Variants in ANO1 observed in about 807,000 individuals in gnomAD.
The protein encoded by ANO1 is anoctamin-1.
In ANO1, 59 loss-of-function variants were observed where a neutral mutation model predicts 124.0. The ratio of observed to expected loss-of-function variants is 0.48; its 90% CI spans 0.39 to 0.59. ANO1 has a LOEUF of 0.59. Among genes scored for constraint, ANO1 ranks in the 20% least tolerant of loss-of-function variants. ANO1 has a pLI of 0.00. For missense variants in ANO1, 1,059 were observed against 1,328.0 expected (o/e 0.80, Z 3.15); for synonymous variants, 529 against 532.0 (o/e 0.99, Z 0.08).
At chr11:70,121,076 C>T (rs2046243289) in intron 8 of ANO1, among the ~76,000 whole-genome samples, 1 of 152,152 alleles carries the variant, frequency 6.6e-6, no homozygotes, top group African/African-American at 2.4e-5. Context: ...AGGCCCCCTC[C>T]ACACGTCTGT....
At chr11:70,028,989 C>A (rs1446061691) in intron 1 of ANO1, among the ~76,000 whole-genome samples, 2 of 152,168 alleles carry the variant, frequency 1.3e-5, no homozygotes, top group Admixed American at 1.3e-4. Context: ...ACCATGTTGG[C>A]CAGGCTGCTC....
upstream of ANO1, among the ~76,000 whole-genome samples, chr11:70,074,730 G>T (rs2044035972): frequency 6.6e-6 from 1 of 152,178 alleles, no homozygotes; most frequent in African/African-American, 2.4e-5. Context: ...TTGTCACACT[G>T]GGGCTGGAGG....
chr11:69,986,859 A>G (rs1856053081), intron 1 of ANO1, among the ~76,000 whole-genome samples: 1 of 152,114 alleles, frequency 6.6e-6, no homozygotes, highest in Non-Finnish European at 1.5e-5. Flanking sequence ...TAAGAGTGGG[A>G]TAGTGACAAG....
intron 1 of ANO1, among the ~76,000 whole-genome samples, chr11:69,986,564 G>T (rs1400162087): frequency 6.6e-6 from 1 of 152,154 alleles, no homozygotes. Flanking sequence ...TTTTACAGGC[G>T]CTATTAATAC....
intron 12 of ANO1, among the ~76,000 whole-genome samples, chr11:70,151,139 G>C (rs1347118274): frequency 2.0e-5 from 3 of 152,234 alleles, no homozygotes; most frequent in African/African-American, 7.2e-5. Flanking sequence ...GTCCTCACTT[G>C]ATGGCATTTG....
At chr11:70,073,370 G>A (rs117600157), upstream of ANO1, among the ~76,000 whole-genome samples, 2,253 of 152,260 alleles carry the variant, frequency 0.015, 30 homozygotes, top group Middle Eastern at 0.037. Context: ...AGGAGGGTGC[G>A]TCCGTCCGTG....
chr11:70,108,039 C>A, intron 5 of ANO1: 1 of 351,306 alleles, frequency 2.8e-6, no homozygotes, highest in Admixed American at 3.9e-5. Flanking sequence ...CACAGGACAC[C>A]AGCACTAGGC....
intron 1 of ANO1, among the ~76,000 whole-genome samples, chr11:70,043,487 C>T (rs1857212026): frequency 6.6e-6 from 1 of 152,108 alleles, no homozygotes. Flanking sequence ...AAGCTTAATA[C>T]ATTTCAATCA....
upstream of ANO1, among the ~76,000 whole-genome samples, chr11:70,074,232 T>A (rs1555009738): frequency 6.6e-6 from 1 of 151,940 alleles, no homozygotes; most frequent in Non-Finnish European, 1.5e-5. Context: ...CTCCTTTCCC[T>A]CCCCTGGGCT....
chr11:70,088,935 A>T (rs1447854478), intron 2 of ANO1, among the ~76,000 whole-genome samples: 2 of 152,188 alleles, frequency 1.3e-5, no homozygotes, highest in Non-Finnish European at 2.9e-5. Flanking sequence ...TAGAAGAAAG[A>T]TTTCAAAAGA....
intron 11 of ANO1, among the ~76,000 whole-genome samples, chr11:70,139,970 C>T (rs190797895): frequency 6.6e-6 from 1 of 152,302 alleles, no homozygotes; most frequent in African/African-American, 2.4e-5. Context: ...GTAGTTTCCC[C>T]GTCTGACTCC....
intron 1 of ANO1, among the ~76,000 whole-genome samples, chr11:70,032,272 C>T (rs112524396): frequency 8.3e-4 from 126 of 152,240 alleles, no homozygotes; most frequent in Middle Eastern, 3.4e-3. Context: ...TCATTGTGGA[C>T]GGACTGCAGG....
At chr11:69,995,440 C>T (rs1203003286) in intron 1 of ANO1, among the ~76,000 whole-genome samples, 1 of 152,056 alleles carries the variant, frequency 6.6e-6, no homozygotes, top group Non-Finnish European at 1.5e-5. Flanking sequence ...TGCAGATGTC[C>T]TTGGCTTTTA....
intron 1 of ANO1, among the ~76,000 whole-genome samples, chr11:70,054,747 T>C (rs1217265393): frequency 1.3e-5 from 2 of 152,280 alleles, no homozygotes; most frequent in Non-Finnish European, 2.9e-5. Context: ...ATTTGATTTC[T>C]AAATTGTTGG....
rs764219083 is a variant in ANO1 at position 70,126,118 on chromosome 11, G to A, written c.1020G>A (p.Gln340=). The change falls in exon 10 of 26, where the codon CAG becomes CAA. Residue 340 remains glutamine (Q), a synonymous_variant. Coordinates refer to ENST00000355303, the MANE Select transcript of ANO1 (RefSeq NM_018043.7). ...TCGCCTGGCTGGGCGTGTACACCCAGATGCTCATCCCTGCCTCCATCGTGG... is the reference window on the plus strand; with the variant it reads ...TCGCCTGGCTGGGCGTGTACACCCAAATGCTCATCCCTGCCTCCATCGTGG... ...LYFAWLGVYT[Q]MLIPASIVGI... 1 of 1,613,632 alleles carries A rather than the reference G, an allele frequency of 6.2e-7. No individual in the cohort carries two copies. The highest frequency in any genetic ancestry group is 1.1e-5 in the South Asian group (1 of 90,974).
chr11:69,993,998 A>G (rs2120319840), intron 1 of ANO1, among the ~76,000 whole-genome samples: 1 of 151,920 alleles, frequency 6.6e-6, no homozygotes, highest in East Asian at 2.0e-4. Flanking sequence ...ATTCATTTTC[A>G]TGAGGAGTTG....
intron 1 of ANO1, chr11:70,085,323 C>T: frequency 7.2e-7 from 1 of 1,392,216 alleles, no homozygotes; most frequent in Non-Finnish European, 9.4e-7. Flanking sequence ...ACCCTTCCCC[C>T]TGAGCCCTCC....
At chr11:70,151,418 G>A (rs2135639768) in intron 12 of ANO1, among the ~76,000 whole-genome samples, 1 of 152,288 alleles carries the variant, frequency 6.6e-6, no homozygotes, top group South Asian at 2.1e-4. Context: ...AGCTCTCTGG[G>A]TGGTCTCTTC....
At chr11:70,061,018 C>T (rs77595993) in intron 1 of ANO1, among the ~76,000 whole-genome samples, 214 of 152,254 alleles carry the variant, frequency 1.4e-3, no homozygotes, top group African/African-American at 4.8e-3. Flanking sequence ...TATCCAGATA[C>T]AGAGTCGGAA....
Sources: allele counts gnomAD v4.1 joint callset (sites outside exome capture counted in the v4.1 genomes callset), GRCh38; gene constraint gnomAD v4.1.1; transcripts MANE v1.5; gene names NCBI Gene and HGNC (gene_info 2026-07-23, HGNC 2026-07-21).